MARK2: variants seen among roughly 807,000 people sequenced by gnomAD.
The protein encoded by MARK2 is microtubule affinity regulating kinase 2, also known as serine/threonine-protein kinase MARK2.
Under a neutral mutation model 89.8 loss-of-function variants are expected in MARK2, and 16 were observed. The observed-to-expected ratio is 0.18, with a 90% confidence interval of 0.12 to 0.27. The LOEUF is 0.27. Among genes scored for constraint, MARK2 ranks in the 10% least tolerant of loss-of-function variants. The pLI, the probability that MARK2 is intolerant of heterozygous loss-of-function variation, is 1.00. For synonymous variants in MARK2, 382 were observed against 399.5 expected (o/e 0.96, Z 0.52); for missense variants, 621 against 1,049.9 (o/e 0.59, Z 5.65).
intron 1 of MARK2, among the ~76,000 whole-genome samples, chr11:63,877,578 AGTC>A (rs1338939918): frequency 6.6e-6 from 1 of 151,988 alleles, no homozygotes; most frequent in Non-Finnish European, 1.5e-5. Flanking sequence ...GGGCACCTGT[AGTC>A]CCAGCTACTC....
intron 1 of MARK2, among the ~76,000 whole-genome samples, chr11:63,852,967 T>C (rs2016647034): frequency 6.6e-6 from 1 of 152,226 alleles, no homozygotes; most frequent in South Asian, 2.1e-4. Context: ...AGTTGCCACA[T>C]TGCTTTGGCT....
chr11:63,852,601 A>AT (rs1394397259), intron 1 of MARK2, among the ~76,000 whole-genome samples: 1 of 151,956 alleles, frequency 6.6e-6, no homozygotes, highest in Non-Finnish European at 1.5e-5. Flanking sequence ...TATGTTAAAA[A>AT]TACTGAAGTG....
intron 1 of MARK2, among the ~76,000 whole-genome samples, chr11:63,842,183 T>G (rs563251434): frequency 6.6e-6 from 1 of 152,240 alleles, no homozygotes. Flanking sequence ...TTGGAAAACC[T>G]TGGATGCACC....
At chr11:63,853,135 A>G (rs1184490943) in intron 1 of MARK2, among the ~76,000 whole-genome samples, 1 of 152,236 alleles carries the variant, frequency 6.6e-6, no homozygotes, top group Non-Finnish European at 1.5e-5. Context: ...GCGGTGGCTC[A>G]TGCCTGTAAT....
chr11:63,856,338 A>T (rs113589366), intron 1 of MARK2, among the ~76,000 whole-genome samples: 462 of 39,258 alleles, frequency 0.012, 11 homozygotes, highest in Middle Eastern at 0.08. Flanking sequence ...TTTTTTTTTT[A>T]AATATATGGC....
In MARK2 at chr11:63,900,487, G is replaced by T. The variant is rs1042209837; in HGVS notation, c.769-72G>T. ...TGCTTTGCCAGGCTTAAGCTCTCAG[G>T]ATCTTGGATATTAGGTTTCTTCCTT... On this transcript the variant is annotated intron_variant, in intron 8 of 18. Transcript: ENST00000402010. This position sits in a 1 kb window ranked among gnomAD's most constrained non-coding sequence, Gnocchi z 4.7. 1.9e-6 allele frequency: 3 copies of T among 1,552,020 alleles called. No individual in the cohort carries two copies. The highest frequency in any genetic ancestry group is 2.6e-6 in the Non-Finnish European group (3 of 1,138,146).
intron 1 of MARK2, among the ~76,000 whole-genome samples, chr11:63,862,796 A>G (rs1038054557): frequency 2.0e-5 from 3 of 151,994 alleles, no homozygotes; most frequent in East Asian, 3.9e-4. Context: ...AGGTTTGACT[A>G]TCCTGCTTTG....
At chr11:63,872,900 C>A (rs71454583) in intron 1 of MARK2, among the ~76,000 whole-genome samples, 59 of 133,556 alleles carry the variant, frequency 4.4e-4, no homozygotes, top group Non-Finnish European at 8.1e-4. Context: ...CCCACCCCCA[C>A]CCCCACCCCC....
chr11:63,902,267 C>T lies in MARK2; in HGVS notation c.1171C>T (p.Pro391Ser), dbSNP rs763945514. Residue 391 changes from proline (P) to serine (S), a missense_variant, in exon 12 of 19, where the codon CCA (proline) becomes TCA (serine). Pro to Ser is a moderately conservative substitution (Grantham distance 74). This residue lies in a region of MARK2 where 397 missense variants were observed against 567.8 expected (regional missense o/e 0.70). Coordinates refer to ENST00000402010, the MANE Select transcript of MARK2 (RefSeq NM_001039469.3). This position sits in a 1 kb window ranked among gnomAD's most constrained non-coding sequence, Gnocchi z 4.2. ...ADLTNSSAPS[P>S]SHKVQRSVSA... ...TCTGACCAATAGCAGCGCCCCATCCCCATCCCACAAGGTACAGCGCAGCGT... is the reference window on the plus strand; with the variant it reads ...TCTGACCAATAGCAGCGCCCCATCCTCATCCCACAAGGTACAGCGCAGCGT... 6.2e-7 allele frequency: 1 copy of T among 1,614,042 alleles called. No individual in the cohort carries two copies. The highest frequency in any genetic ancestry group is 8.5e-7 in the Non-Finnish European group (1 of 1,180,032).
intron 1 of MARK2, among the ~76,000 whole-genome samples, chr11:63,886,943 G>T (rs1014305876): frequency 2.6e-5 from 4 of 152,254 alleles, no homozygotes; most frequent in African/African-American, 9.6e-5. Context: ...CTACCAGTGA[G>T]TGAAGGGCCG....
Position 63,900,494 on chromosome 11 carries a change from G to C in MARK2, c.769-65G>C. ...CCAGGCTTAAGCTCTCAGGATCTTGGATATTAGGTTTCTTCCTTTGGCCTT... is the reference window on the plus strand; with the variant it reads ...CCAGGCTTAAGCTCTCAGGATCTTGCATATTAGGTTTCTTCCTTTGGCCTT... On this transcript the variant is annotated intron_variant, in intron 8 of 18. Transcript: ENST00000402010. The surrounding 1 kb of genome is among the most constrained non-coding windows in gnomAD (Gnocchi z 4.7). 1 of 1,572,686 alleles carries C rather than the reference G, an allele frequency of 6.4e-7. No homozygotes were observed. Among genetic ancestry groups the C allele is most frequent in the Non-Finnish European group, 8.7e-7 (1 of 1,153,236 alleles).
At chr11:63,907,486 AGC>A (rs1590715514) in intron 17 of MARK2, among the ~76,000 whole-genome samples, 1 of 152,026 alleles carries the variant, frequency 6.6e-6, no homozygotes, top group East Asian at 1.9e-4. Flanking sequence ...CCAGTTTCCT[AGC>A]TCCAGACACC....
rs1940981208 is a variant in MARK2, at chr11:63,902,491, A to G, written c.1235-110A>G. On this transcript the variant is annotated intron_variant, in intron 12 of 18. Transcript: ENST00000402010. The surrounding 1 kb of genome is among the most constrained non-coding windows in gnomAD (Gnocchi z 4.2). The stretch of plus-strand genomic sequence containing the variant: ...CACTTCCCTTCCCTCGCCTCTGTGG[A>G]ATGGGGGCTTGCTGGGTTGTTGGCC... The G allele has an allele frequency of 2.2e-6, 3 of 1,380,332 alleles. No individual in the cohort carries two copies. The Admixed American group carries it at 5.8e-5, about 27-fold the overall frequency. The allele number at this position is 1,380,332 out of a possible 1,614,324, so 85.5% of individuals were successfully genotyped here. A position where few individuals can be genotyped will look rare whatever the true frequency, so the allele number is the denominator to read the frequency against.
chr11:63,846,893 T>C (rs777118782), intron 1 of MARK2, among the ~76,000 whole-genome samples: 2 of 152,064 alleles, frequency 1.3e-5, no homozygotes, highest in Non-Finnish European at 2.9e-5. Context: ...TCTGACCTCG[T>C]GATCCACCCA....
intron 1 of MARK2, among the ~76,000 whole-genome samples, chr11:63,885,925 G>A (rs930370435): frequency 1.3e-5 from 2 of 151,778 alleles, no homozygotes; most frequent in Admixed American, 6.6e-5. Flanking sequence ...CCAGGAGATC[G>A]AGACCATCCT....
At chr11:63,866,844 C>T (rs1431875465) in intron 1 of MARK2, among the ~76,000 whole-genome samples, 1 of 152,178 alleles carries the variant, frequency 6.6e-6, no homozygotes, top group Non-Finnish European at 1.5e-5. Flanking sequence ...AAGACTGGGG[C>T]CTTAATCTTT....
At chr11:63,844,773 C>G (rs1240721168) in intron 1 of MARK2, among the ~76,000 whole-genome samples, 1 of 152,108 alleles carries the variant, frequency 6.6e-6, no homozygotes, top group Non-Finnish European at 1.5e-5. Context: ...AGATTGTTTC[C>G]CCTTTGGACA....
intron 1 of MARK2, among the ~76,000 whole-genome samples, chr11:63,871,903 G>A (rs1423422560): frequency 6.6e-6 from 1 of 152,174 alleles, no homozygotes; most frequent in Non-Finnish European, 1.5e-5. Context: ...GCAGGTGTGG[G>A]TGAAGAGTAG....
intron 1 of MARK2, among the ~76,000 whole-genome samples, chr11:63,864,318 T>A (rs1037201140): frequency 6.6e-6 from 1 of 151,938 alleles, no homozygotes; most frequent in Non-Finnish European, 1.5e-5. Context: ...AATGGCTTGA[T>A]CTCGGCTCAC....
Sources: gnomAD v4.1 joint callset for allele counts (sites outside exome capture counted in the v4.1 genomes callset) on GRCh38, gnomAD v4.1.1 for gene constraint, gnomAD v4.1.1 regional missense constraint, Gnocchi (gnomAD v3.1) non-coding constraint, MANE v1.5 for transcripts, NCBI Gene and HGNC (gene_info 2026-07-23, HGNC 2026-07-21) for gene names.